The following MYO10 variants were observed in gnomAD, a reference collection of about 807,000 sequenced individuals.
MYO10 encodes unconventional myosin-X.
In MYO10, 133 loss-of-function variants were observed where a neutral mutation model predicts 257.3. The observed-to-expected ratio is 0.52, with a 90% CI of 0.45 to 0.60. The LOEUF (loss-of-function observed/expected upper bound fraction) is 0.60. Among genes scored for constraint, MYO10 ranks in the 20% least tolerant of loss-of-function variants. MYO10 has a pLI of 0.00. For missense variants in MYO10, 2,399 were observed against 2,635.7 expected, an observed-to-expected ratio of 0.91 and a Z score of 1.97; for synonymous variants, 1,104 against 1,028.6, an observed-to-expected ratio of 1.07 and a Z score of -1.40.
At chr5:16,923,203 G>C (rs1271746095) in intron 1 of MYO10, among the ~76,000 whole-genome samples, 1 of 151,838 alleles carries the variant, frequency 6.6e-6, no homozygotes, top group Admixed American at 6.6e-5. Flanking sequence ...GAAATAAACA[G>C]AAGTAAACCT....
intron 2 of MYO10, among the ~76,000 whole-genome samples, chr5:16,828,223 C>T (rs1446025589): frequency 6.6e-6 from 1 of 152,124 alleles, no homozygotes; most frequent in Non-Finnish European, 1.5e-5. Context: ...TAGCCCTCCA[C>T]TTTGCTTGAG....
chr5:16,858,886 A>G (rs1177789612), intron 2 of MYO10, among the ~76,000 whole-genome samples: 1 of 152,070 alleles, frequency 6.6e-6, no homozygotes, highest in East Asian at 1.9e-4. Flanking sequence ...TGAACCCGGG[A>G]GGTGGAGGTG....
At position 16,665,226 on chromosome 5, in the gene MYO10, C is replaced by T. The variant is rs1425612903; in HGVS notation, c.*1466G>A. The T allele has an allele frequency of 1.3e-5, 2 of 150,870 alleles. No individual in the cohort carries two copies. The highest frequency in any genetic ancestry group is 2.4e-5 in the African/African-American group (1 of 41,144). 9.3% of individuals were successfully genotyped at this position (150,870 alleles called of 1,614,324 possible). ...TCTAAAGAAAAAAAAAAAAAACCAC[C>T]AAAAAGCCAAAACAAAAATAAGCCT... On this transcript the variant is annotated 3_prime_UTR_variant, in exon 41 of 41. Coordinates refer to ENST00000513610, the MANE Select transcript of MYO10 (RefSeq NM_012334.3).
Position 16,662,155 on chromosome 5 carries a change from T to C in MYO10, c.*4537A>G, listed in dbSNP as rs1317990761. 1.3e-5 allele frequency: 2 copies of C among 152,010 alleles called. No individual in the cohort carries two copies. The highest frequency in any genetic ancestry group is 4.8e-5 in the African/African-American group (2 of 41,316). The allele number at this position is 152,010 out of a possible 1,614,324, so 9.4% of individuals were successfully genotyped here. A position where few individuals can be genotyped will look rare whatever the true frequency, so the allele number is the denominator to read the frequency against. On this transcript the variant is annotated 3_prime_UTR_variant, in exon 41 of 41. Transcript: ENST00000513610. Reference sequence around the variant, plus strand: ...TTGTCCCCTATTACAGTATAAACTTTTGGTGAATAGGGATTTTCAAATTAA... The same window carrying C: ...TTGTCCCCTATTACAGTATAAACTTCTGGTGAATAGGGATTTTCAAATTAA...
intron 19 of MYO10, among the ~76,000 whole-genome samples, chr5:16,752,421 T>C (rs1033840885): frequency 3.9e-5 from 6 of 152,330 alleles, no homozygotes; most frequent in African/African-American, 1.4e-4. Flanking sequence ...TAGCTGGGAC[T>C]ACAGACGTGT....
intron 39 of MYO10, among the ~76,000 whole-genome samples, chr5:16,668,741 T>C (rs547308478): frequency 1.9e-4 from 29 of 152,330 alleles, no homozygotes; most frequent in Non-Finnish European, 2.9e-4. Flanking sequence ...AGCATTATTC[T>C]ACTAGCTGTT....
chr5:16,733,530 T>C (rs1385309891), intron 19 of MYO10, among the ~76,000 whole-genome samples: 2 of 152,156 alleles, frequency 1.3e-5, no homozygotes, highest in Non-Finnish European at 2.9e-5. Context: ...TATTGGCAAG[T>C]CCTCGGTAAA....
chr5:16,815,135 C>A, intron 3 of MYO10: 1 of 257,730 alleles, frequency 3.9e-6, no homozygotes, highest in South Asian at 7.8e-5. Context: ...TTGAGTCTAG[C>A]CTGGGCAACA....
chr5:16,718,146 G>C (rs930135843), intron 19 of MYO10, among the ~76,000 whole-genome samples: 1 of 152,224 alleles, frequency 6.6e-6, no homozygotes, highest in Non-Finnish European at 1.5e-5. Flanking sequence ...CCAGCCCACC[G>C]GCGCTGTGCT....
At position 16,700,951 on chromosome 5, in the gene MYO10, G is replaced by A. The variant is rs1375345725; in HGVS notation, c.3432+12C>T. 6.5e-7 allele frequency: 1 copy of A among 1,539,872 alleles called. No homozygotes were observed. On this transcript the variant is annotated intron_variant, in intron 25 of 40. Transcript: ENST00000513610. ...CACCCATTTCACTGGGACACGCCAG[G>A]CAGGTACTTACCGAGGACTGCGCCC...
chr5:16,799,745 C>T (rs186423202), intron 3 of MYO10, among the ~76,000 whole-genome samples: 43 of 152,300 alleles, frequency 2.8e-4, no homozygotes, highest in African/African-American at 1.0e-3. Flanking sequence ...CCACCCACCT[C>T]AGCCTCCCAA....
chr5:16,904,363 A>G (rs1022666660), intron 1 of MYO10, among the ~76,000 whole-genome samples: 2 of 152,208 alleles, frequency 1.3e-5, no homozygotes, highest in Non-Finnish European at 2.9e-5. Context: ...GAGCTGCTCC[A>G]GCAAATTAAC....
chr5:16,672,289 C>A (rs1736501663), intron 37 of MYO10, among the ~76,000 whole-genome samples: 1 of 29,582 alleles, frequency 3.4e-5, no homozygotes. Context: ...AGCAAGACTC[C>A]ATCTCAAAAA....
At chr5:16,794,942 C>T in intron 3 of MYO10, 109 bp from the exon 4 acceptor site, 4 of 831,246 alleles carry the variant, frequency 4.8e-6, no homozygotes, top group Non-Finnish European at 6.9e-6. Context: ...TCTTCTGTCT[C>T]CCGGGTGCAC....
chr5:16,753,487 T>TG (rs1740442231), intron 19 of MYO10, among the ~76,000 whole-genome samples: 3 of 126,048 alleles, frequency 2.4e-5, no homozygotes, highest in Non-Finnish European at 3.4e-5. Context: ...TTTTTTTTTT[T>TG]GGGAGACAGA....
At chr5:16,834,345 C>T (rs915840880) in intron 2 of MYO10, among the ~76,000 whole-genome samples, 4 of 152,104 alleles carry the variant, frequency 2.6e-5, no homozygotes, top group Admixed American at 6.5e-5. Context: ...CCTGGTGCAC[C>T]GTGATGAGGA....
intron 17 of MYO10, among the ~76,000 whole-genome samples, chr5:16,760,920 G>A (rs1424638108): frequency 3.9e-5 from 6 of 151,920 alleles, no homozygotes; most frequent in Admixed American, 3.3e-4. Context: ...TACCTCTGTG[G>A]TTGGTTTATT....
At chr5:16,931,547 C>T (rs1170530573) in intron 1 of MYO10, among the ~76,000 whole-genome samples, 7 of 152,126 alleles carry the variant, frequency 4.6e-5, no homozygotes, top group Admixed American at 1.3e-4. Context: ...CCTGCCCGCC[C>T]CAGCCAGACA....
intron 19 of MYO10, among the ~76,000 whole-genome samples, chr5:16,749,463 G>C (rs894458181): frequency 6.6e-6 from 1 of 150,574 alleles, no homozygotes; most frequent in Non-Finnish European, 1.5e-5. Flanking sequence ...CTCCAGCCTG[G>C]GTGACAGAGA....
Sources: gnomAD v4.1 joint callset for allele counts (sites outside exome capture counted in the v4.1 genomes callset) on GRCh38, gnomAD v4.1.1 for gene constraint, MANE v1.5 for transcripts, NCBI Gene and HGNC (gene_info 2026-07-23, HGNC 2026-07-21) for gene names.